The following ATP8B3 variants were observed in gnomAD, a reference collection of about 807,000 sequenced individuals.
The protein encoded by ATP8B3 is ATPase phospholipid transporting 8B3.
A neutral mutation model predicts 140.9 loss-of-function variants in ATP8B3; 141 were observed. That is an observed-to-expected ratio of 1.00 (90% CI 0.87 to 1.15). The LOEUF (loss-of-function observed/expected upper bound fraction) is 1.15, where lower values mean the gene tolerates loss of function less well. ATP8B3 is among the 50% of genes most tolerant of loss of function. The pLI, the probability that ATP8B3 is intolerant of heterozygous loss-of-function variation, is 0.00. For synonymous variants in ATP8B3, 765 were observed against 714.6 expected (o/e 1.07, Z -1.13); for missense variants, 1,874 against 1,740.6 (o/e 1.08, Z -1.36).
At chr19:1,811,948 C>T in intron 1 of ATP8B3, 64 bp from the exon 2 acceptor site, 1 of 594,370 alleles carries the variant, frequency 1.7e-6, no homozygotes, top group East Asian at 3.0e-5. Context: ...CTGGGATGCC[C>T]CATTACTCGG....
At chr19:1,804,591 G>A (rs1402805419) in intron 10 of ATP8B3, among the ~76,000 whole-genome samples, 2 of 149,626 alleles carry the variant, frequency 1.3e-5, no homozygotes, top group Non-Finnish European at 3.0e-5. Context: ...CTGGGCAACA[G>A]AGCGAGACTC....
At chr19:1,791,578 A>G (rs978442015) in intron 20 of ATP8B3, among the ~76,000 whole-genome samples, 172 bp downstream of exon 20, 1 of 151,990 alleles carries the variant, frequency 6.6e-6, no homozygotes, top group African/African-American at 2.4e-5. Context: ...TTTTTAGCAG[A>G]GACGGGGTTT....
intron 27 of ATP8B3, 30 bp downstream of exon 27, chr19:1,785,129 C>T (rs764489514): frequency 4.5e-5 from 69 of 1,517,988 alleles, no homozygotes; most frequent in South Asian, 1.3e-4. Context: ...GCACCACGAC[C>T]GCCCGTCCCA....
At chr19:1,795,728 G>A in intron 18 of ATP8B3, 147 bp downstream of exon 18, 2 of 790,456 alleles carry the variant, frequency 2.5e-6, no homozygotes, top group South Asian at 3.3e-5. Flanking sequence ...CCAGGTACCT[G>A]CAGCCTTCCA....
At chr19:1,786,029 C>T (rs1224504963) in intron 25 of ATP8B3, among the ~76,000 whole-genome samples, 3 of 152,030 alleles carry the variant, frequency 2.0e-5, no homozygotes, top group Admixed American at 6.6e-5. Context: ...TCTACTTGGG[C>T]GGCTGAGGCA....
At position 1,782,535 on chromosome 19, in the gene ATP8B3, T is replaced by C. The variant is rs2068190536; in HGVS notation, c.*493A>G. The C allele has an allele frequency of 5.0e-6, 1 of 198,394 alleles. No individual in the cohort carries two copies. Among genetic ancestry groups the C allele is most frequent in the Admixed American group, 5.4e-5 (1 of 18,396 alleles). 12.3% of individuals were successfully genotyped at this position (198,394 alleles called of 1,614,324 possible). On this transcript the variant is annotated 3_prime_UTR_variant, in exon 29 of 29. Transcript: ENST00000310127. ...TCTGGAAGTGGCACCGTCCCCTCCT[T>C]GGGGGTGTGAGGCTCCTTTTGCCAG...
chr19:1,787,019 C>T lies in ATP8B3; in HGVS notation c.3153+84G>A, dbSNP rs987400019. 25 of 1,338,238 alleles carry T rather than the reference C, an allele frequency of 1.9e-5. No individual in the cohort carries two copies. The African/African-American group carries it at 2.9e-4, about 16-fold the overall frequency. 82.9% of individuals were successfully genotyped at this position (1,338,238 alleles called of 1,614,324 possible). Reference sequence around the variant, plus strand: ...CCATGGCCTGAAGGTCTCCCAGGCTCCCTCTCCCCGCCCCAAGGAGCGGAG... The same window carrying T: ...CCATGGCCTGAAGGTCTCCCAGGCTTCCTCTCCCCGCCCCAAGGAGCGGAG... On this transcript the variant is annotated intron_variant, in intron 25 of 28. Transcript: ENST00000310127.
In ATP8B3 at chr19:1,800,047, G is replaced by A; in HGVS notation, c.1452C>T (p.Asp484=). 6.3e-7 allele frequency: 1 copy of A among 1,599,660 alleles called. No individual in the cohort carries two copies. The highest frequency in any genetic ancestry group is 1.1e-5 in the South Asian group (1 of 88,760). The change falls in exon 14 of 29, where the codon GAC becomes GAT. Residue 484 remains aspartate, a synonymous_variant. Transcript: ENST00000310127. The surrounding 1 kb of genome is among the most constrained non-coding windows in gnomAD (Gnocchi z 4.4). ...PAKARSTSLN[D]HLGQVEYIFS... ...AGATGTATTCCACCTGGCCCAGGTG[G>A]TCGTTGAGGCTGGTGCTGCGGGCCT... is the stretch of plus-strand genomic sequence containing the variant.
intron 16 of ATP8B3, 38 bp from the exon 17 acceptor site, chr19:1,796,303 G>A (rs1318523564): frequency 1.3e-6 from 2 of 1,541,714 alleles, no homozygotes; most frequent in African/African-American, 2.7e-5. Context: ...TCACGTGGTG[G>A]AGCCCGTCTC....
intron 14 of ATP8B3, chr19:1,799,195 A>T (rs1021998755): frequency 1.3e-5 from 2 of 151,506 alleles, no homozygotes; most frequent in African/African-American, 4.9e-5. Flanking sequence ...GTGGTGGCTC[A>T]TGCCTGCAAT....
chr19:1,805,803 C>A lies in ATP8B3; in HGVS notation c.821+85G>T. ...AAGTCTCTGAGCGACCTTGGCTGGC[C>A]GCCTCCTTGGTGACTGGGGAAGGGG... On this transcript the variant is annotated intron_variant, in intron 9 of 28. Coordinates refer to ENST00000310127, the MANE Select transcript of ATP8B3 (RefSeq NM_138813.4). This position sits in a 1 kb window ranked among gnomAD's most constrained non-coding sequence, Gnocchi z 5.2. 1 of 1,540,828 alleles carries A rather than the reference C, an allele frequency of 6.5e-7. No individual in the cohort carries two copies. Among genetic ancestry groups the A allele is most frequent in the Non-Finnish European group, 8.9e-7 (1 of 1,123,294 alleles).
chr19:1,808,395 G>T, intron 4 of ATP8B3, 60 bp from the exon 5 acceptor site: 1 of 1,353,014 alleles, frequency 7.4e-7, no homozygotes, highest in Non-Finnish European at 1.0e-6. Context: ...GGGGATGGGG[G>T]TGCCCGAGGC....
At chr19:1,785,345 C>T in intron 26 of ATP8B3, 48 bp from the exon 27 acceptor site, 3 of 1,554,752 alleles carry the variant, frequency 1.9e-6, no homozygotes, top group Non-Finnish European at 2.6e-6. Context: ...GGGGCTTGCA[C>T]CAGGACACCA....
chr19:1,807,130 GCTCC>G lies in ATP8B3; in HGVS notation c.615+34_615+37del, dbSNP rs751735267. The G allele has an allele frequency of 2.6e-6, 4 of 1,550,046 alleles. No homozygotes were observed. Among genetic ancestry groups the G allele is most frequent in the Non-Finnish European group, 3.5e-6 (4 of 1,127,440 alleles). ...TCAAGAGACCCCCCCGACCGGCCCC[GCTCC>G]CTCCCCCAGGCAGCTGCATCCAACA... On this transcript the variant is annotated intron_variant, in intron 6 of 28. Coordinates refer to ENST00000310127, the MANE Select transcript of ATP8B3 (RefSeq NM_138813.4). The surrounding 1 kb of genome is among the most constrained non-coding windows in gnomAD (Gnocchi z 5.9).
At chr19:1,811,389 G>A in intron 2 of ATP8B3, 100 bp downstream of exon 2, 1 of 1,471,780 alleles carries the variant, frequency 6.8e-7, no homozygotes, top group Non-Finnish European at 9.0e-7. Context: ...ACCACCCCTA[G>A]ACGCCAGCAA....
rs537238210 is a variant in ATP8B3, at chr19:1,785,254, G to A, written c.3437C>T (p.Thr1146Ile). The A allele has an allele frequency of 1.2e-6, 2 of 1,609,750 alleles. No homozygotes were observed. The highest frequency in any genetic ancestry group is 2.2e-5 in the East Asian group (1 of 44,776). ...IKYWTALCVA[T>I]ILLSLGFYAI... ...GTAGAAACCAAGGCTGAGGAGGATG[G>A]TCGCCACGCACAGGGCGGTCCAGTA... Residue 1146 changes from threonine (T) to isoleucine (I), a missense_variant, in exon 27 of 29, where the codon ACC (threonine) becomes ATC (isoleucine). Coordinates refer to ENST00000310127, the MANE Select transcript of ATP8B3 (RefSeq NM_138813.4).
intron 4 of ATP8B3, among the ~76,000 whole-genome samples, chr19:1,808,742 G>A (rs1049033455): frequency 6.6e-6 from 1 of 152,206 alleles, no homozygotes; most frequent in African/African-American, 2.4e-5. Context: ...AGGTAGGGCC[G>A]CGATGGACAC....
At position 1,787,205 on chromosome 19, in the gene ATP8B3, G is replaced by A. The variant is rs553612431; in HGVS notation, c.3070-19C>T. 8 of 1,593,714 alleles carry A rather than the reference G, an allele frequency of 5.0e-6. No individual in the cohort carries two copies. The East Asian group carries it at 1.6e-4, about 31-fold the overall frequency. ...ACAGGGGCTGAGCCGGGGGAGAAGG[G>A]CAAGGAGAACAAGTCAGCCTCCAGG... is the stretch of plus-strand genomic sequence containing the variant. On this transcript the variant is annotated intron_variant, in intron 24 of 28. Coordinates refer to ENST00000310127, the MANE Select transcript of ATP8B3 (RefSeq NM_138813.4).
At position 1,809,711 on chromosome 19, in the gene ATP8B3, T is replaced by C. The variant is rs1212035897; in HGVS notation, c.334A>G (p.Asn112Asp). ...AACTGCCCGTTGTAGGCACGGTTGT[T>C]GGCCTGGACCTTCCAGGTGAATGCT... Reference protein sequence around the residue: ...NSAFTWKVQANNRAYNGQFKE... With the variant: ...NSAFTWKVQADNRAYNGQFKE... The change falls in exon 4 of 29, where the codon AAC becomes GAC. Residue 112 changes from asparagine to aspartate, a missense_variant. Physicochemically the swap from Asn to Asp is conservative, Grantham distance 23 (BLOSUM62 1). Around this residue, in one of 3 missense-constraint regions of ATP8B3, gnomAD observed 1,032 missense variants for 963.6 expected, o/e 1.07. Transcript: ENST00000310127. 2 of 1,610,500 alleles carry C rather than the reference T, an allele frequency of 1.2e-6. No homozygotes were observed. The highest frequency in any genetic ancestry group is 1.7e-4 in the Middle Eastern group (1 of 6,058).
Sources: gnomAD v4.1 joint callset for allele counts (sites outside exome capture counted in the v4.1 genomes callset) on GRCh38, gnomAD v4.1.1 for gene constraint, gnomAD v4.1.1 regional missense constraint, Gnocchi (gnomAD v3.1) non-coding constraint, MANE v1.5 for transcripts, NCBI Gene and HGNC (gene_info 2026-07-23, HGNC 2026-07-21) for gene names.